The following PDZRN4 variants were observed in gnomAD, a reference collection of about 807,000 sequenced individuals.
PDZRN4 encodes PDZ domain-containing RING finger protein 4.
A neutral mutation model predicts 99.0 loss-of-function variants in PDZRN4; 70 were observed. The observed-to-expected ratio is 0.71, with a 90% CI of 0.58 to 0.86. PDZRN4 has a LOEUF of 0.86. Among genes scored for constraint, PDZRN4 ranks in the 40% least tolerant of loss-of-function variants. PDZRN4 has a pLI of 0.00. For synonymous variants in PDZRN4, 551 were observed against 501.6 expected (o/e 1.10, Z -1.32); for missense variants, 1,474 against 1,331.2 (o/e 1.11, Z -1.67).
At chr12:41,372,552 G>A (rs1437879166) in intron 3 of PDZRN4, among the ~76,000 whole-genome samples, 1 of 152,152 alleles carries the variant, frequency 6.6e-6, no homozygotes, top group Non-Finnish European at 1.5e-5. Context: ...TGATAGGGAT[G>A]AGCCAGATAG....
intron 3 of PDZRN4, among the ~76,000 whole-genome samples, chr12:41,362,936 C>T (rs1951973914): frequency 6.6e-6 from 1 of 152,078 alleles, no homozygotes; most frequent in Non-Finnish European, 1.5e-5. Context: ...CTTAGCTTGT[C>T]TATGATGTAT....
intron 3 of PDZRN4, among the ~76,000 whole-genome samples, chr12:41,344,404 A>G (rs974452419): frequency 6.6e-6 from 1 of 152,096 alleles, no homozygotes; most frequent in African/African-American, 2.4e-5. Flanking sequence ...CCACTCTTAG[A>G]CAAGCTCAGG....
chr12:41,319,007 C>T (rs533832685), intron 3 of PDZRN4, among the ~76,000 whole-genome samples: 1 of 152,108 alleles, frequency 6.6e-6, no homozygotes, highest in Non-Finnish European at 1.5e-5. Context: ...ACTTTAAACC[C>T]TAGCACGTAT....
chr12:41,314,809 A>G (rs1202246587), intron 3 of PDZRN4, among the ~76,000 whole-genome samples: 1 of 151,306 alleles, frequency 6.6e-6, no homozygotes, highest in African/African-American at 2.4e-5. Context: ...ACTGTTCACT[A>G]TGATTTTTTT....
intron 3 of PDZRN4, among the ~76,000 whole-genome samples, chr12:41,405,597 G>C (rs1347049095): frequency 6.6e-6 from 1 of 152,116 alleles, no homozygotes; most frequent in Non-Finnish European, 1.5e-5. Flanking sequence ...TCATTACTGG[G>C]TATATACCCA....
At chr12:41,508,140 T>C (rs1209742368) in intron 4 of PDZRN4, among the ~76,000 whole-genome samples, 1 of 152,246 alleles carries the variant, frequency 6.6e-6, no homozygotes, top group African/African-American at 2.4e-5. Flanking sequence ...CAACATTCTA[T>C]GTCTAAGATG....
chr12:41,554,400 T>C (rs572397850), intron 6 of PDZRN4, among the ~76,000 whole-genome samples: 1 of 152,270 alleles, frequency 6.6e-6, no homozygotes, highest in South Asian at 2.1e-4. Context: ...TCTGAACATA[T>C]GTACTTGGAA....
At chr12:41,566,085 G>C (rs577115292) in intron 8 of PDZRN4, among the ~76,000 whole-genome samples, 1 of 152,272 alleles carries the variant, frequency 6.6e-6, no homozygotes, top group South Asian at 2.1e-4. Context: ...TGCACCTCCA[G>C]CCTAAAAGAA....
rs548645232 is a variant in PDZRN4, at chr12:41,535,750, C to G, written c.1204-16906C>G. Among the ~76,000 whole-genome samples the G allele has an allele frequency of 9.2e-5, 14 of 152,254 alleles. No individual in the cohort carries two copies. In the South Asian group the frequency reaches 1.5e-3, roughly 16 times the overall value. ...AATGGTGCATTTGGTCCCTTTTTCTCTGTCTCTCTTTTGCCCTCTCTTTGC... is the reference window on the plus strand; with the variant it reads ...AATGGTGCATTTGGTCCCTTTTTCTGTGTCTCTCTTTTGCCCTCTCTTTGC... On this transcript the variant is annotated intron_variant, in intron 5 of 9. Coordinates refer to ENST00000402685, the MANE Select transcript of PDZRN4 (RefSeq NM_001164595.2).
At chr12:41,215,547 A>G (rs1157666657) in intron 3 of PDZRN4, among the ~76,000 whole-genome samples, 1 of 152,060 alleles carries the variant, frequency 6.6e-6, no homozygotes, top group East Asian at 1.9e-4. Flanking sequence ...GTAGAATAGT[A>G]AAGCAAGTAC....
intron 3 of PDZRN4, among the ~76,000 whole-genome samples, chr12:41,219,108 G>A (rs891018068): frequency 6.6e-6 from 1 of 151,410 alleles, no homozygotes; most frequent in Admixed American, 6.6e-5. Context: ...ATTTAGAGAG[G>A]GTACCTTGTG....
chr12:41,460,699 G>A (rs532926834), intron 3 of PDZRN4, among the ~76,000 whole-genome samples: 4 of 152,134 alleles, frequency 2.6e-5, no homozygotes, highest in Non-Finnish European at 2.9e-5. Context: ...CCATATATAC[G>A]TAGATGTAAA....
chr12:41,450,349 TTAGA>T (rs1952764493), intron 3 of PDZRN4, among the ~76,000 whole-genome samples: 1 of 152,170 alleles, frequency 6.6e-6, no homozygotes, highest in Non-Finnish European at 1.5e-5. Flanking sequence ...ACATATAACC[TTAGA>T]TAGACAACTC....
chr12:41,248,684 A>G (rs1216325519), intron 3 of PDZRN4, among the ~76,000 whole-genome samples: 2 of 152,206 alleles, frequency 1.3e-5, no homozygotes, highest in Middle Eastern at 3.2e-3. Flanking sequence ...CATATTTCAT[A>G]TATAGCAATT....
chr12:41,465,808 TAG>T (rs1019353503), intron 3 of PDZRN4, among the ~76,000 whole-genome samples: 1 of 152,194 alleles, frequency 6.6e-6, no homozygotes, highest in African/African-American at 2.4e-5. Flanking sequence ...TGTTTATTTA[TAG>T]AGTTTCACCC....
chr12:41,445,990 A>C (rs1160748), intron 3 of PDZRN4, among the ~76,000 whole-genome samples: 77,344 of 151,742 alleles, frequency 0.51, 20,197 homozygotes, highest in African/African-American at 0.64. Flanking sequence ...TTTCTTCTTT[A>C]TTAATTCTAT....
At chr12:41,464,582 G>A (rs1445466974) in intron 3 of PDZRN4, among the ~76,000 whole-genome samples, 1 of 152,056 alleles carries the variant, frequency 6.6e-6, no homozygotes, top group Non-Finnish European at 1.5e-5. Flanking sequence ...TTTCTAAATT[G>A]GAGACATGTT....
chr12:41,423,575 T>G (rs1952509728), intron 3 of PDZRN4, among the ~76,000 whole-genome samples: 1 of 152,168 alleles, frequency 6.6e-6, no homozygotes, highest in Admixed American at 6.5e-5. Flanking sequence ...CTTTAAACTT[T>G]TATGCATCAC....
Position 41,479,292 on chromosome 12 carries a change from GAC to G in PDZRN4, c.844-27160_844-27159del, listed in dbSNP as rs139364091. 8.8e-3 allele frequency among the ~76,000 whole-genome samples: 1,336 copies of G among 152,246 alleles called. 15 individuals are homozygous for G. The highest frequency in any genetic ancestry group is 0.03 in the African/African-American group (1,232 of 41,564). ...GATTTGTCAGAAAACGAAAGTAGAT[GAC>G]ACAGTATTTTTTCTTTTTTCTACAG... On this transcript the variant is annotated intron_variant, in intron 3 of 9. Coordinates refer to ENST00000402685, the MANE Select transcript of PDZRN4 (RefSeq NM_001164595.2).
Sources: gnomAD v4.1 joint callset for allele counts (sites outside exome capture counted in the v4.1 genomes callset) on GRCh38, gnomAD v4.1.1 for gene constraint, MANE v1.5 for transcripts, NCBI Gene and HGNC (gene_info 2026-07-23, HGNC 2026-07-21) for gene names.